The following EYS variants were observed in gnomAD, a reference collection of about 807,000 sequenced individuals.
EYS encodes the protein EGF-like photoreceptor maintenance factor.
In EYS, 250 loss-of-function variants were observed where a neutral mutation model predicts 282.1. The ratio of observed to expected loss-of-function variants is 0.89; its 90% CI spans 0.80 to 0.98. The LOEUF is 0.98. Ranked by LOEUF, EYS falls within the 50% of genes least tolerant of loss-of-function variation. The probability of loss-of-function intolerance (pLI) is 0.00; values close to 1 mark genes in which losing one functional copy is unlikely to be tolerated. For missense variants in EYS, 4,016 were observed against 3,709.0 expected (o/e 1.08, Z -2.15); for synonymous variants, 1,355 against 1,282.9 (o/e 1.06, Z -1.20).
intron 33 of EYS, among the ~76,000 whole-genome samples, chr6:64,020,341 A>T (rs1313557371): frequency 6.6e-6 from 1 of 152,228 alleles, no homozygotes; most frequent in Non-Finnish European, 1.5e-5. Context: ...ATATGTATAA[A>T]TGTAATATAT....
At chr6:64,259,956 T>G (rs902288049) in intron 30 of EYS, among the ~76,000 whole-genome samples, 1 of 152,072 alleles carries the variant, frequency 6.6e-6, no homozygotes, top group Admixed American at 6.6e-5. Flanking sequence ...ATTCTCTGAT[T>G]TTTTTTCCTT....
chr6:65,307,616 T>C (rs1769048011), intron 11 of EYS, among the ~76,000 whole-genome samples: 1 of 138,950 alleles, frequency 7.2e-6, no homozygotes, highest in East Asian at 2.5e-4. Flanking sequence ...CAGTTTCTCT[T>C]AGCAGTTTTC....
chr6:65,512,691 T>G (rs545729498), intron 2 of EYS, among the ~76,000 whole-genome samples: 76 of 151,948 alleles, frequency 5.0e-4, no homozygotes, highest in Non-Finnish European at 9.0e-4. Context: ...GAATGACTAC[T>G]GGGCACATAA....
intron 11 of EYS, among the ~76,000 whole-genome samples, chr6:65,332,960 T>G (rs546619241): frequency 6.6e-6 from 1 of 151,494 alleles, no homozygotes; most frequent in South Asian, 2.1e-4. Context: ...TTTCTGTAAT[T>G]TCAGTAATAT....
chr6:64,055,996 C>T (rs1320605310), intron 33 of EYS, among the ~76,000 whole-genome samples: 4 of 152,138 alleles, frequency 2.6e-5, no homozygotes, highest in South Asian at 2.1e-4. Flanking sequence ...AGAGGCCCCT[C>T]GGGATGAGGG....
At chr6:65,499,715 G>A (rs1303935384) in intron 2 of EYS, among the ~76,000 whole-genome samples, 4 of 151,908 alleles carry the variant, frequency 2.6e-5, no homozygotes, top group Admixed American at 2.6e-4. Context: ...TTTCAGAAAT[G>A]CTACCAGCAG....
chr6:63,933,296 G>C (rs1266308263), intron 35 of EYS, among the ~76,000 whole-genome samples: 1 of 151,982 alleles, frequency 6.6e-6, no homozygotes, highest in East Asian at 1.9e-4. Context: ...GCAGTGGCGC[G>C]ATCTTGGCTC....
chr6:65,669,165 T>C (rs1768296916), intron 1 of EYS, among the ~76,000 whole-genome samples: 1 of 151,940 alleles, frequency 6.6e-6, no homozygotes, highest in South Asian at 2.1e-4. Flanking sequence ...AAACTTTTAA[T>C]TTTGACCCAC....
intron 26 of EYS, among the ~76,000 whole-genome samples, chr6:64,579,799 C>A (rs1297689061): frequency 6.6e-6 from 1 of 152,054 alleles, no homozygotes; most frequent in African/African-American, 2.4e-5. Flanking sequence ...GTGAATCCTG[C>A]TTTCTGGACA....
intron 30 of EYS, among the ~76,000 whole-genome samples, chr6:64,235,833 A>G (rs1414045153): frequency 6.6e-6 from 1 of 152,182 alleles, no homozygotes; most frequent in South Asian, 2.1e-4. Context: ...AATAATCAAT[A>G]GCTTACCAAC....
rs146181761 is a variant in EYS at position 65,697,006 on chromosome 6, A to G, written c.-448+10129T>C. 5.0e-3 allele frequency among the ~76,000 whole-genome samples: 757 copies of G among 152,120 alleles called. 6 individuals are homozygous for G. Among genetic ancestry groups the G allele is most frequent in the African/African-American group, 0.017 (714 of 41,562 alleles). On this transcript the variant is annotated intron_variant, in intron 1 of 42. Transcript: ENST00000503581. The stretch of plus-strand genomic sequence containing the variant: ...GTTAGGATACCAAAGGCATGAAAAG[A>G]TTCGATAGTTAAAAAATTCAAACTG...
At chr6:63,815,860 T>G (rs551902017) in intron 36 of EYS, among the ~76,000 whole-genome samples, 50 of 152,130 alleles carry the variant, frequency 3.3e-4, no homozygotes, top group Non-Finnish European at 5.9e-4. Flanking sequence ...TTTTTGGTAT[T>G]GTATAAAAGA....
At chr6:64,035,002 A>C (rs1369480563) in intron 33 of EYS, among the ~76,000 whole-genome samples, 1 of 152,238 alleles carries the variant, frequency 6.6e-6, no homozygotes, top group Non-Finnish European at 1.5e-5. Context: ...GAGAATAGCT[A>C]GACGTCAATG....
intron 22 of EYS, among the ~76,000 whole-genome samples, chr6:64,645,236 A>G (rs2149874191): frequency 6.6e-6 from 1 of 152,368 alleles, no homozygotes; most frequent in East Asian, 1.9e-4. Context: ...CGAGCAATGA[A>G]ACATTGAAAA....
chr6:64,337,514 G>T (rs1018348899), intron 29 of EYS, among the ~76,000 whole-genome samples: 1 of 151,896 alleles, frequency 6.6e-6, no homozygotes, highest in Non-Finnish European at 1.5e-5. Context: ...AAAATTCCAG[G>T]ACAAGATGGA....
At chr6:64,691,329 A>C (rs1770374522) in intron 22 of EYS, among the ~76,000 whole-genome samples, 1 of 152,206 alleles carries the variant, frequency 6.6e-6, no homozygotes, top group Non-Finnish European at 1.5e-5. Context: ...AAAAAGAAAT[A>C]GAAATGCGTC....
At chr6:64,912,903 C>T (rs1253486289) in intron 15 of EYS, among the ~76,000 whole-genome samples, 160 bp from the exon 16 acceptor site, 1 of 151,960 alleles carries the variant, frequency 6.6e-6, no homozygotes, top group Non-Finnish European at 1.5e-5. Context: ...TGCCTAATTT[C>T]CTGTGACAGT....
At chr6:65,388,685 T>A (rs1765889783) in intron 7 of EYS, among the ~76,000 whole-genome samples, 1 of 152,034 alleles carries the variant, frequency 6.6e-6, no homozygotes, top group Non-Finnish European at 1.5e-5. Flanking sequence ...TGGCTCACCT[T>A]GTAAGCATTT....
intron 26 of EYS, among the ~76,000 whole-genome samples, chr6:64,512,927 A>T (rs992213811): frequency 2.6e-5 from 4 of 151,616 alleles, no homozygotes; most frequent in Non-Finnish European, 4.4e-5. Context: ...TTTATTTTTA[A>T]TTTTTTTCTG....
Sources: allele counts gnomAD v4.1 joint callset (sites outside exome capture counted in the v4.1 genomes callset), GRCh38; gene constraint gnomAD v4.1.1; transcripts MANE v1.5; gene names NCBI Gene and HGNC (gene_info 2026-07-23, HGNC 2026-07-21).